Variants in KCNK12 observed in about 807,000 individuals in gnomAD.
KCNK12 encodes potassium two pore domain channel subfamily K member 12, also known as potassium channel subfamily K member 12.
Under a neutral mutation model 25.3 loss-of-function variants are expected in KCNK12, and 6 were observed. That is an observed-to-expected ratio of 0.24 (90% confidence interval 0.13 to 0.47). KCNK12 has a LOEUF of 0.47. Ranked by LOEUF, KCNK12 falls within the 20% of genes least tolerant of loss-of-function variation. The pLI is 0.99. For missense variants in KCNK12, 444 were observed against 661.7 expected (o/e 0.67, Z 3.61); for synonymous variants, 331 against 311.1 (o/e 1.06, Z -0.67).
In KCNK12 at chr2:47,540,329, G is replaced by A. The variant is rs1403933714; in HGVS notation, c.392-18521C>T. On this transcript the variant is annotated intron_variant, in intron 1 of 1. Transcript: ENST00000327876. This position sits in a 1 kb window ranked among gnomAD's most constrained non-coding sequence, Gnocchi z 5.4. ...GCCAGCCATGAGGTGTAGTCACTGT[G>A]CCAGGGGGCTGAGTGTCCGGCCTGG... 1.3e-5 allele frequency among the ~76,000 whole-genome samples: 2 copies of A among 152,186 alleles called. No individual in the cohort carries two copies. The highest frequency in any genetic ancestry group is 2.4e-5 in the African/African-American group (1 of 41,432).
chr2:47,542,184 C>G (rs1669215806), intron 1 of KCNK12, among the ~76,000 whole-genome samples: 2 of 152,236 alleles, frequency 1.3e-5, no homozygotes, highest in African/African-American at 2.4e-5. Context: ...AGGTTCTCAT[C>G]ATACCACTTC....
In KCNK12 at chr2:47,529,496, T is replaced by C. The variant is rs1209066787; in HGVS notation, c.392-7688A>G. Among the ~76,000 whole-genome samples, 1 of 152,212 alleles carries C rather than the reference T, an allele frequency of 6.6e-6. No homozygotes were observed. Among genetic ancestry groups the C allele is most frequent in the Non-Finnish European group, 1.5e-5 (1 of 68,040 alleles). On this transcript the variant is annotated intron_variant, in intron 1 of 1. Transcript: ENST00000327876. The surrounding 1 kb of genome is among the most constrained non-coding windows in gnomAD (Gnocchi z 4.3). ...GATTTAAATTTCCATTGACCTAAAA[T>C]TTTTGTGGTGGGCACTGCAGCTCTC...
In KCNK12 at chr2:47,570,247, G is replaced by C. The variant is rs751320502; in HGVS notation, c.85C>G (p.Arg29Gly). 2 of 1,453,512 alleles carry C rather than the reference G, an allele frequency of 1.4e-6. No individual in the cohort carries two copies. The highest frequency in any genetic ancestry group is 1.8e-6 in the Non-Finnish European group (2 of 1,102,970). 90.0% of individuals were successfully genotyped at this position (1,453,512 alleles called of 1,614,324 possible). A position where few individuals can be genotyped will look rare whatever the true frequency, so the allele number is the denominator to read the frequency against. The change falls in exon 1 of 2, where the codon CGT (arginine) becomes GGT (glycine). Residue 29 changes from arginine (R) to glycine (G), a missense_variant. Physicochemically the swap from Arg to Gly is moderately radical, Grantham distance 125. Around this residue, in one of 8 missense-constraint regions of KCNK12, gnomAD observed 67 missense variants for 59.2 expected, o/e 1.13. Coordinates refer to ENST00000327876, the MANE Select transcript of KCNK12 (RefSeq NM_022055.2). ...RPSCCCCCCR[R>G]SHLNEDTGRF... The stretch of plus-strand genomic sequence containing the variant: ...CCGGTGTCCTCGTTGAGGTGCGAAC[G>C]GCGGCAGCAGCAGCAGCAGCAGGAG...
In KCNK12 at chr2:47,512,706, T is replaced by C. The variant is rs1315177763; in HGVS notation, c.*8201A>G. The C allele has an allele frequency of 3.1e-6, 1 of 324,970 alleles. No homozygotes were observed. Among genetic ancestry groups the C allele is most frequent in the African/African-American group, 2.1e-5 (1 of 47,000 alleles). 20.1% of individuals were successfully genotyped at this position (324,970 alleles called of 1,614,324 possible). On this transcript the variant is annotated 3_prime_UTR_variant, in exon 2 of 2. Transcript: ENST00000327876. ...CTCTGCATTGCTGAGCAAACTACAT[T>C]TCCCAGAACTCCTTGTTGGATTCCT...
Position 47,519,097 on chromosome 2 carries a change from C to T in KCNK12, c.*1810G>A, listed in dbSNP as rs1285460134. On this transcript the variant is annotated 3_prime_UTR_variant, in exon 2 of 2. Coordinates refer to ENST00000327876, the MANE Select transcript of KCNK12 (RefSeq NM_022055.2). ...AGGATTTAGCAAGACTGACGTCTCT[C>T]CTGGCCAGCGCTGCTTCACTGGCTT... The T allele has an allele frequency of 6.6e-6, 1 of 152,222 alleles. No individual in the cohort carries two copies. The highest frequency in any genetic ancestry group is 6.5e-5 in the Admixed American group (1 of 15,286). 9.4% of individuals were successfully genotyped at this position (152,222 alleles called of 1,614,324 possible). A position where few individuals can be genotyped will look rare whatever the true frequency, so the allele number is the denominator to read the frequency against.
rs912812157 is a variant in KCNK12, at chr2:47,566,377, CCT to C, written c.391+3562_391+3563del. On this transcript the variant is annotated intron_variant, in intron 1 of 1. Transcript: ENST00000327876. The surrounding 1 kb of genome is among the most constrained non-coding windows in gnomAD (Gnocchi z 4.1). ...GCCCATTCCTGCTCCTTCTTCCCCT[CCT>C]CTATACACATGTGCTCTCAAGAGTG... 6.6e-6 allele frequency: 1 copy of C among 152,142 alleles called. No individual in the cohort carries two copies. Among genetic ancestry groups the C allele is most frequent in the Non-Finnish European group, 1.5e-5 (1 of 68,060 alleles). The allele number at this position is 152,142 out of a possible 1,614,324, so 9.4% of individuals were successfully genotyped here.
intron 1 of KCNK12, among the ~76,000 whole-genome samples, chr2:47,526,719 C>T (rs66551248): frequency 0.12 from 18,498 of 152,084 alleles, 1,295 homozygotes; most frequent in Non-Finnish European, 0.16. Context: ...GGCGACAGAG[C>T]GAAACTCCGT....
In KCNK12 at chr2:47,540,103, C is replaced by T. The variant is rs1181456676; in HGVS notation, c.392-18295G>A. Among the ~76,000 whole-genome samples the T allele has an allele frequency of 6.6e-6, 1 of 152,158 alleles. No individual in the cohort carries two copies. Among genetic ancestry groups the T allele is most frequent in the Non-Finnish European group, 1.5e-5 (1 of 68,026 alleles). ...GACAGCTGGCGGATTTAGCAGAGTA[C>T]GTGGCACAGAGGAAACACTAAATAT... On this transcript the variant is annotated intron_variant, in intron 1 of 1. Coordinates refer to ENST00000327876, the MANE Select transcript of KCNK12 (RefSeq NM_022055.2). This position sits in a 1 kb window ranked among gnomAD's most constrained non-coding sequence, Gnocchi z 5.4.
intron 1 of KCNK12, among the ~76,000 whole-genome samples, chr2:47,545,812 G>A (rs537324853): frequency 2.0e-5 from 3 of 152,226 alleles, no homozygotes; most frequent in Admixed American, 6.5e-5. Flanking sequence ...TGTGCTAACT[G>A]ATGGACAGCA....
Position 47,509,422 on chromosome 2 carries a change from C to A in KCNK12, c.*11485G>T, listed in dbSNP as rs893230238. Among the ~76,000 whole-genome samples the A allele has an allele frequency of 6.6e-6, 1 of 152,234 alleles. No homozygotes were observed. Among genetic ancestry groups the A allele is most frequent in the African/African-American group, 2.4e-5 (1 of 41,460 alleles). On this transcript the variant is annotated 3_prime_UTR_variant, in exon 2 of 2. Transcript: ENST00000327876. ...TTTGAAAACCAACAGATTGCAAATT[C>A]TCTGTCCCATAGCAGGAAACCACAG...
intron 1 of KCNK12, among the ~76,000 whole-genome samples, chr2:47,559,636 G>C (rs1669623130): frequency 1.3e-5 from 2 of 152,224 alleles, no homozygotes; most frequent in Non-Finnish European, 2.9e-5. Context: ...TGTAGCTTCT[G>C]AGGTGGAGAA....
chr2:47,537,995 G>T (rs1029420366), intron 1 of KCNK12, among the ~76,000 whole-genome samples: 1 of 152,188 alleles, frequency 6.6e-6, no homozygotes, highest in African/African-American at 2.4e-5. Context: ...GTGTCATGTG[G>T]ATAAGACTTT....
intron 1 of KCNK12, among the ~76,000 whole-genome samples, chr2:47,545,571 G>A (rs1204646571): frequency 6.6e-6 from 1 of 152,158 alleles, no homozygotes. Context: ...GGGAGTAGGG[G>A]GACTAGCTGT....
Position 47,565,949 on chromosome 2 carries a change from T to G in KCNK12, c.391+3992A>C, listed in dbSNP as rs556285711. On this transcript the variant is annotated intron_variant, in intron 1 of 1. Coordinates refer to ENST00000327876, the MANE Select transcript of KCNK12 (RefSeq NM_022055.2). This position sits in a 1 kb window ranked among gnomAD's most constrained non-coding sequence, Gnocchi z 5.0. ...TTTTTTAATTGGCAGAATGAATAAA[T>G]GGATACATTCACATTAAAACAAACT... The G allele has an allele frequency of 3.3e-5, 5 of 152,208 alleles. No homozygotes were observed. The highest frequency in any genetic ancestry group is 5.9e-5 in the Non-Finnish European group (4 of 68,038). 9.4% of individuals were successfully genotyped at this position (152,208 alleles called of 1,614,324 possible). A position where few individuals can be genotyped will look rare whatever the true frequency, so the allele number is the denominator to read the frequency against.
At chr2:47,552,866 G>A (rs891646797) in intron 1 of KCNK12, among the ~76,000 whole-genome samples, 1 of 152,180 alleles carries the variant, frequency 6.6e-6, no homozygotes, top group Non-Finnish European at 1.5e-5. Flanking sequence ...AATGAGGGGG[G>A]AATGGAGAGC....
rs1668607949 is a variant in KCNK12 at position 47,519,811 on chromosome 2, C to G, written c.*1096G>C. On this transcript the variant is annotated 3_prime_UTR_variant, in exon 2 of 2. Coordinates refer to ENST00000327876, the MANE Select transcript of KCNK12 (RefSeq NM_022055.2). ...ATCATGGCCTCTGGAGCCAAATACC[C>G]TGACATTTGCAAGATGGCTTCTTTT... 1 of 152,218 alleles carries G rather than the reference C, an allele frequency of 6.6e-6. No individual in the cohort carries two copies. Among genetic ancestry groups the G allele is most frequent in the Non-Finnish European group, 1.5e-5 (1 of 68,058 alleles). 9.4% of individuals were successfully genotyped at this position (152,218 alleles called of 1,614,324 possible).
chr2:47,544,136 C>A (rs1669260960), intron 1 of KCNK12, among the ~76,000 whole-genome samples: 1 of 152,210 alleles, frequency 6.6e-6, no homozygotes, highest in South Asian at 2.1e-4. Context: ...CAAAGACAGC[C>A]TTCCACCCTG....
rs1443951318 is a variant in KCNK12 at position 47,540,104 on chromosome 2, G to A, written c.392-18296C>T. ...ACAGCTGGCGGATTTAGCAGAGTAC[G>A]TGGCACAGAGGAAACACTAAATATG... On this transcript the variant is annotated intron_variant, in intron 1 of 1. Coordinates refer to ENST00000327876, the MANE Select transcript of KCNK12 (RefSeq NM_022055.2). This position sits in a 1 kb window ranked among gnomAD's most constrained non-coding sequence, Gnocchi z 5.4. Among the ~76,000 whole-genome samples, 1 of 152,212 alleles carries A rather than the reference G, an allele frequency of 6.6e-6. No homozygotes were observed. Among genetic ancestry groups the A allele is most frequent in the Non-Finnish European group, 1.5e-5 (1 of 68,038 alleles).
chr2:47,545,811 T>C (rs6749075), intron 1 of KCNK12, among the ~76,000 whole-genome samples: 60,201 of 152,014 alleles, frequency 0.4, 13,291 homozygotes, highest in African/African-American at 0.6. Flanking sequence ...TTGTGCTAAC[T>C]GATGGACAGC....
Sources: allele counts gnomAD v4.1 joint callset (sites outside exome capture counted in the v4.1 genomes callset), GRCh38; gene constraint gnomAD v4.1.1; regional missense constraint gnomAD v4.1.1; non-coding constraint Gnocchi (gnomAD v3.1); transcripts MANE v1.5; gene names NCBI Gene and HGNC (gene_info 2026-07-23, HGNC 2026-07-21).